The following OXR1 variants were observed in gnomAD, a reference collection of about 807,000 sequenced individuals.
OXR1 encodes oxidation resistance 1.
OXR1 carries 41 observed loss-of-function variants against 104.6 expected under a neutral mutation model. The observed-to-expected ratio is 0.39, with a 90% CI of 0.31 to 0.51. The LOEUF is 0.51. Among genes scored for constraint, OXR1 ranks in the 20% least tolerant of loss-of-function variants. OXR1 has a pLI of 0.77. For synonymous variants in OXR1, 348 were observed against 348.4 expected (o/e 1.00, Z 0.01); for missense variants, 955 against 1,031.9 (o/e 0.93, Z 1.02).
chr8:106,550,732 G>T (rs189902764), intron 3 of OXR1, among the ~76,000 whole-genome samples: 23 of 152,076 alleles, frequency 1.5e-4, no homozygotes, highest in Non-Finnish European at 2.9e-4. Flanking sequence ...TTCCATGATT[G>T]TAAGTTTCAT....
At chr8:106,428,778 T>G (rs1348393413) in intron 2 of OXR1, among the ~76,000 whole-genome samples, 5 of 152,074 alleles carry the variant, frequency 3.3e-5, no homozygotes, top group African/African-American at 1.2e-4. Context: ...GTAAATGGAT[T>G]TTGAAGTATT....
chr8:106,314,170 G>T (rs78280615), intron 1 of OXR1, among the ~76,000 whole-genome samples: 17,318 of 152,164 alleles, frequency 0.11, 1,168 homozygotes, highest in Middle Eastern at 0.18. Flanking sequence ...CAAGATTGCA[G>T]GGACCCTTTT....
intron 3 of OXR1, among the ~76,000 whole-genome samples, chr8:106,606,321 G>C (rs1820388628): frequency 1.1e-5 from 1 of 91,892 alleles, no homozygotes; most frequent in Non-Finnish European, 2.2e-5. Flanking sequence ...TATTTATTGA[G>C]ACAGAGTCCC....
chr8:106,729,569 C>G (rs552945492), intron 11 of OXR1, among the ~76,000 whole-genome samples: 1 of 151,956 alleles, frequency 6.6e-6, no homozygotes, highest in Admixed American at 6.5e-5. Context: ...TATTATGCCG[C>G]CTATCTATAG....
intron 6 of OXR1, among the ~76,000 whole-genome samples, chr8:106,690,489 G>T (rs1829169441): frequency 6.6e-6 from 1 of 150,804 alleles, no homozygotes; most frequent in African/African-American, 2.4e-5. Context: ...CTTAGTGTTT[G>T]CGAAGATTTT....
At chr8:106,339,248 C>G (rs1232827360) in intron 1 of OXR1, among the ~76,000 whole-genome samples, 1 of 151,660 alleles carries the variant, frequency 6.6e-6, no homozygotes, top group Non-Finnish European at 1.5e-5. Flanking sequence ...GTAATCCCAG[C>G]ACTTTGGGAG....
chr8:106,480,043 A>C (rs893390030), intron 2 of OXR1, among the ~76,000 whole-genome samples: 2 of 151,958 alleles, frequency 1.3e-5, no homozygotes, highest in African/African-American at 2.4e-5. Context: ...TGATTTCTCT[A>C]TGTTTTTAAC....
At position 106,588,066 on chromosome 8, in the gene OXR1, C is replaced by G. The variant is rs575549881; in HGVS notation, c.220+68927C>G. On this transcript the variant is annotated intron_variant, in intron 3 of 16. Transcript: ENST00000517566. ...TGTGGGGTTCACGCCATTCTCCTGC[C>G]TCAGCCTCCCAAGTAGCTGGGACTA... Among the ~76,000 whole-genome samples, 6 of 152,126 alleles carry G rather than the reference C, an allele frequency of 3.9e-5. No individual in the cohort carries two copies. The South Asian group carries it at 1.2e-3, about 32-fold the overall frequency.
chr8:106,295,468 G>A (rs1156579544), intron 1 of OXR1, among the ~76,000 whole-genome samples: 1 of 151,712 alleles, frequency 6.6e-6, no homozygotes, highest in Non-Finnish European at 1.5e-5. Flanking sequence ...TCATTGTCAC[G>A]TTATACAACA....
intron 1 of OXR1, among the ~76,000 whole-genome samples, chr8:106,356,735 A>G (rs1160308234): frequency 1.1e-5 from 1 of 89,272 alleles, no homozygotes; most frequent in East Asian, 2.4e-4. Flanking sequence ...GGCAAAAATA[A>G]TAATAAAAAA....
At chr8:106,449,255 G>T (rs956565148) in intron 2 of OXR1, among the ~76,000 whole-genome samples, 3 of 152,036 alleles carry the variant, frequency 2.0e-5, no homozygotes, top group African/African-American at 4.8e-5. Context: ...TAAATAACTT[G>T]CAGTGCTTCT....
At chr8:106,690,989 A>C (rs1167955479) in intron 6 of OXR1, among the ~76,000 whole-genome samples, 2 of 152,004 alleles carry the variant, frequency 1.3e-5, no homozygotes, top group Non-Finnish European at 2.9e-5. Flanking sequence ...CCAAGGCAAG[A>C]AGGGAAGTGG....
intron 3 of OXR1, among the ~76,000 whole-genome samples, chr8:106,574,355 G>A (rs752821645): frequency 2.0e-5 from 3 of 152,100 alleles, no homozygotes; most frequent in Non-Finnish European, 4.4e-5. Context: ...GCCTTTGCTG[G>A]TAACTTCTCT....
intron 1 of OXR1, among the ~76,000 whole-genome samples, chr8:106,326,399 C>G (rs1001067431): frequency 2.6e-5 from 4 of 152,178 alleles, no homozygotes; most frequent in Non-Finnish European, 5.9e-5. Context: ...GGTAAGTAAA[C>G]TATATTGAAA....
chr8:106,596,604 C>A (rs928811786), intron 3 of OXR1, among the ~76,000 whole-genome samples: 2 of 152,126 alleles, frequency 1.3e-5, no homozygotes, highest in Non-Finnish European at 2.9e-5. Context: ...AGGGTGTACA[C>A]ATTGTATTTT....
At chr8:106,462,927 CAAT>C (rs1330717518) in intron 2 of OXR1, among the ~76,000 whole-genome samples, 1 of 152,034 alleles carries the variant, frequency 6.6e-6, no homozygotes, top group African/African-American at 2.4e-5. Flanking sequence ...ACATTCTTTC[CAAT>C]AATAATAATA....
chr8:106,503,330 G>A (rs997856293), intron 2 of OXR1, among the ~76,000 whole-genome samples: 2 of 152,100 alleles, frequency 1.3e-5, no homozygotes, highest in Admixed American at 1.3e-4. Context: ...AACTGAGAAG[G>A]TACCTTTTAC....
intron 3 of OXR1, among the ~76,000 whole-genome samples, chr8:106,519,408 CAT>C (rs2130112082): frequency 6.6e-6 from 1 of 152,320 alleles, no homozygotes; most frequent in Admixed American, 6.5e-5. Context: ...TATACGTACA[CAT>C]ATACTATCTC....
chr8:106,735,524 T>C (rs1834289219), intron 11 of OXR1, among the ~76,000 whole-genome samples: 1 of 152,152 alleles, frequency 6.6e-6, no homozygotes, highest in Non-Finnish European at 1.5e-5. Context: ...GAAGTGTTTT[T>C]CTTATAGTAA....
Sources: allele counts gnomAD v4.1 joint callset (sites outside exome capture counted in the v4.1 genomes callset), GRCh38; gene constraint gnomAD v4.1.1; transcripts MANE v1.5; gene names NCBI Gene and HGNC (gene_info 2026-07-23, HGNC 2026-07-21).